FAM117A: variants seen among roughly 807,000 people sequenced by gnomAD.
FAM117A encodes family with sequence similarity 117 member A.
A neutral mutation model predicts 44.1 loss-of-function variants in FAM117A; 21 were observed. The ratio of observed to expected loss-of-function variants is 0.48; its 90% CI spans 0.34 to 0.69. The LOEUF (loss-of-function observed/expected upper bound fraction) is 0.69, where lower values mean the gene tolerates loss of function less well. Among genes scored for constraint, FAM117A ranks in the 30% least tolerant of loss-of-function variants. The pLI, the probability that FAM117A is intolerant of heterozygous loss-of-function variation, is 0.01. For missense variants in FAM117A, 498 were observed against 589.9 expected (o/e 0.84, Z 1.61); for synonymous variants, 220 against 238.3 (o/e 0.92, Z 0.71).
At chr17:49,716,402 G>T in intron 6 of FAM117A, 87 bp from the exon 7 acceptor site, 1 of 1,204,200 alleles carries the variant, frequency 8.3e-7, no homozygotes, top group Non-Finnish European at 1.1e-6. Context: ...AAAGTGGCAA[G>T]GCTGGGGACA....
chr17:49,724,277 C>G (rs774629037), intron 2 of FAM117A: 1 of 450,240 alleles, frequency 2.2e-6, no homozygotes, highest in Non-Finnish European at 4.5e-6. Context: ...AGCTGGGCCC[C>G]GCACCCCCCA....
rs1188451268 is a variant in FAM117A, at chr17:49,732,731, ACAC to A, written c.197-14_197-12del. On this transcript the variant is annotated splice_polypyrimidine_tract_variant and intron_variant, in intron 1 of 7. Transcript: ENST00000240364. The stretch of plus-strand genomic sequence containing the variant: ...AGCATGGGACGCTGGCTGCAAGAGA[ACAC>A]AGCCCGCACGCCTTGCCATCAGCAT... 1 of 1,611,218 alleles carries A rather than the reference ACAC, an allele frequency of 6.2e-7. No homozygotes were observed. The highest frequency in any genetic ancestry group is 1.7e-5 in the Admixed American group (1 of 59,682).
intron 1 of FAM117A, among the ~76,000 whole-genome samples, chr17:49,755,038 CAAAAAAAA>C (rs199709334): frequency 2.3e-5 from 1 of 43,246 alleles, no homozygotes; most frequent in African/African-American, 9.4e-5. Context: ...AACTCCGTCT[CAAAAAAAA>C]AAAAAAAAAA....
At chr17:49,729,176 G>A (rs995746404) in intron 2 of FAM117A, among the ~76,000 whole-genome samples, 3 of 152,236 alleles carry the variant, frequency 2.0e-5, no homozygotes, top group Non-Finnish European at 4.4e-5. Context: ...CAGGCTTGCT[G>A]CCTAGATCTG....
At chr17:49,720,611 C>A (rs1016207108) in intron 3 of FAM117A, among the ~76,000 whole-genome samples, 175 bp from the exon 4 acceptor site, 1 of 152,132 alleles carries the variant, frequency 6.6e-6, no homozygotes, top group Non-Finnish European at 1.5e-5. Context: ...ATGATCTGTT[C>A]CTCAGACGAG....
intron 2 of FAM117A, among the ~76,000 whole-genome samples, chr17:49,729,236 G>C (rs1325166657): frequency 6.6e-6 from 1 of 152,166 alleles, no homozygotes; most frequent in Non-Finnish European, 1.5e-5. Context: ...GGGATTCAGA[G>C]GAAGGAGCTG....
chr17:49,763,292 G>A (rs1221507346), intron 1 of FAM117A, among the ~76,000 whole-genome samples: 1 of 152,112 alleles, frequency 6.6e-6, no homozygotes, highest in African/African-American at 2.4e-5. Context: ...GGTAAAAGCC[G>A]TTAAACTTAG....
intron 2 of FAM117A, among the ~76,000 whole-genome samples, chr17:49,726,747 C>T (rs2073561699): frequency 6.6e-6 from 1 of 151,714 alleles, no homozygotes; most frequent in South Asian, 2.1e-4. Flanking sequence ...GAAGCCAAGG[C>T]AGTAGGATTG....
chr17:49,748,037 A>G (rs976277538), intron 1 of FAM117A, among the ~76,000 whole-genome samples: 14 of 152,180 alleles, frequency 9.2e-5, no homozygotes, highest in African/African-American at 3.4e-4. Flanking sequence ...TCAGAAGGAT[A>G]CTTATGAGGT....
chr17:49,721,899 G>A (rs1416054356), intron 3 of FAM117A, among the ~76,000 whole-genome samples: 1 of 151,952 alleles, frequency 6.6e-6, no homozygotes, highest in Non-Finnish European at 1.5e-5. Flanking sequence ...GGACCACCCT[G>A]GCCAACACGG....
At chr17:49,745,799 G>C (rs1202353120) in intron 1 of FAM117A, among the ~76,000 whole-genome samples, 1 of 152,200 alleles carries the variant, frequency 6.6e-6, no homozygotes, top group African/African-American at 2.4e-5. Context: ...AAACAGGAAT[G>C]GGAAGTAGTT....
intron 1 of FAM117A, among the ~76,000 whole-genome samples, chr17:49,778,620 T>C (rs956710400): frequency 1.3e-5 from 2 of 152,234 alleles, no homozygotes; most frequent in Non-Finnish European, 1.5e-5. Flanking sequence ...AAATACTATA[T>C]AAATGTGTGT....
intron 1 of FAM117A, among the ~76,000 whole-genome samples, chr17:49,760,239 C>T (rs1018503806): frequency 1.3e-5 from 2 of 152,014 alleles, no homozygotes; most frequent in African/African-American, 2.4e-5. Context: ...CAGGCTTGTT[C>T]GTTTTCTTTA....
At chr17:49,735,703 G>C (rs907888225) in intron 1 of FAM117A, among the ~76,000 whole-genome samples, 1 of 152,114 alleles carries the variant, frequency 6.6e-6, no homozygotes. Flanking sequence ...GGGCTCAAGT[G>C]ATCTTCCTGC....
At chr17:49,758,638 A>AAAATAAAT (rs201340759) in intron 1 of FAM117A, among the ~76,000 whole-genome samples, 76 of 135,196 alleles carry the variant, frequency 5.6e-4, no homozygotes, top group South Asian at 9.1e-4. Flanking sequence ...AAAAAAAAAT[A>AAAATAAAT]AAATAAATAA....
rs765436383 is a variant in FAM117A at position 49,732,595 on chromosome 17, C to T, written c.322G>A (p.Ala108Thr). 7.4e-6 allele frequency: 12 copies of T among 1,614,038 alleles called. No homozygotes were observed. The South Asian group carries it at 1.3e-4, about 18-fold the overall frequency. Residue 108 changes from alanine to threonine, a missense_variant, in exon 2 of 8, where the codon GCT becomes ACT. By Grantham distance (58) the Ala-to-Thr change is moderately conservative (BLOSUM62 0). Transcript: ENST00000240364. ...SYLLGQWPRD[A>T]DGAFTCCTND... Reference sequence around the variant, plus strand: ...GTGCAGCAGGTGAAGGCCCCATCAGCATCTCGTGGCCACTGGCCCAGAAGG... The same window carrying T: ...GTGCAGCAGGTGAAGGCCCCATCAGTATCTCGTGGCCACTGGCCCAGAAGG...
At chr17:49,766,952 A>T (rs1290141896), upstream of FAM117A, among the ~76,000 whole-genome samples, 2 of 152,188 alleles carry the variant, frequency 1.3e-5, no homozygotes, top group Non-Finnish European at 2.9e-5. Context: ...GGACGGTAGA[A>T]AAAGAGGCAG....
At chr17:49,724,393 C>A in intron 2 of FAM117A, 1 of 456,316 alleles carries the variant, frequency 2.2e-6, no homozygotes, top group Non-Finnish European at 4.4e-6. Flanking sequence ...ACTGTACTCA[C>A]AGGTGGGTGG....
At chr17:49,765,867 T>C (rs1320643448), upstream of FAM117A, among the ~76,000 whole-genome samples, 2 of 152,180 alleles carry the variant, frequency 1.3e-5, no homozygotes, top group African/African-American at 4.8e-5. Context: ...GAAATCCTCA[T>C]GACAATCTGG....
Sources: allele counts gnomAD v4.1 joint callset (sites outside exome capture counted in the v4.1 genomes callset), GRCh38; gene constraint gnomAD v4.1.1; transcripts MANE v1.5; gene names NCBI Gene and HGNC (gene_info 2026-07-23, HGNC 2026-07-21).